NKTR: variants seen among roughly 807,000 people sequenced by gnomAD.
NKTR encodes the protein NK-tumor recognition protein.
Under a neutral mutation model 156.3 loss-of-function variants are expected in NKTR, and 67 were observed. The observed-to-expected ratio is 0.43, with a 90% confidence interval of 0.35 to 0.53. The LOEUF is 0.53. NKTR is among the 20% of genes least tolerant of loss of function. NKTR has a pLI of 0.01. For missense variants in NKTR, 1,604 were observed against 1,730.9 expected (o/e 0.93, Z 1.30); for synonymous variants, 640 against 596.6 (o/e 1.07, Z -1.06).
intron 7 of NKTR, 100 bp downstream of exon 7, chr3:42,630,675 T>C: frequency 6.5e-7 from 1 of 1,545,642 alleles, no homozygotes; most frequent in African/African-American, 1.4e-5. Context: ...GCTCTTGATG[T>C]CTGGCTTAAT....
chr3:42,606,025 A>C (rs574152438), intron 2 of NKTR, among the ~76,000 whole-genome samples: 23 of 152,248 alleles, frequency 1.5e-4, no homozygotes, highest in Non-Finnish European at 2.6e-4. Flanking sequence ...GGGAGAGAAC[A>C]GTTGGATAGC....
Position 42,637,008 on chromosome 3 carries a change from A to C in NKTR, c.1304A>C (p.Lys435Thr). 6.2e-7 allele frequency: 1 copy of C among 1,613,152 alleles called. No homozygotes were observed. The change falls in exon 13 of 17, where the codon AAG (lysine) becomes ACG (threonine). Residue 435 changes from lysine to threonine, a missense_variant. Physicochemically the swap from Lys to Thr is moderately conservative, Grantham distance 78 (BLOSUM62 -1). This residue lies in a region of NKTR where 1,255 missense variants were observed against 1,243.7 expected (regional missense o/e 1.01). Coordinates refer to ENST00000232978, the MANE Select transcript of NKTR (RefSeq NM_005385.4). ...CATAAAAAACGCAGAAAAGAAAAAA[A>C]GGTTAAGCATAAAAAGAAAGGGAAA... ...GHHKKRRKEK[K>T]VKHKKKGKKQ...
chr3:42,632,751 G>T lies in NKTR; in HGVS notation c.701G>T (p.Arg234Leu), dbSNP rs144333793. 2.5e-5 allele frequency: 41 copies of T among 1,612,316 alleles called. No individual in the cohort carries two copies. The African/African-American group carries it at 5.1e-4, about 20-fold the overall frequency. ...RKHKRRPKVKRSKKRRKEASS... is the reference protein window; with the variant it reads ...RKHKRRPKVKLSKKRRKEASS... ...CATAAGAGGAGGCCAAAAGTTAAACGTTCTAAAAAGAGGCGAAAGGAAGCA... is the reference window on the plus strand; with the variant it reads ...CATAAGAGGAGGCCAAAAGTTAAACTTTCTAAAAAGAGGCGAAAGGAAGCA... The change falls in exon 9 of 17, where the codon CGT becomes CTT. Residue 234 changes from arginine to leucine, a missense_variant. By Grantham distance (102) the Arg-to-Leu change is moderately radical. Coordinates refer to ENST00000232978, the MANE Select transcript of NKTR (RefSeq NM_005385.4).
chr3:42,630,391 G>A (rs1708780503), intron 6 of NKTR, 155 bp from the exon 7 acceptor site: 1 of 1,436,498 alleles, frequency 7.0e-7, no homozygotes, highest in African/African-American at 1.5e-5. Context: ...CTGTTTTGGG[G>A]TTTTTAAGGT....
In NKTR at chr3:42,639,563, T is replaced by C; in HGVS notation, c.3859T>C (p.Leu1287=). Residue 1287 remains leucine (L), a synonymous_variant, in exon 13 of 17, where the codon TTA becomes CTA. Coordinates refer to ENST00000232978, the MANE Select transcript of NKTR (RefSeq NM_005385.4). ...TGATGAAGTAAGAAAGACAGCACGC[T>C]TAAACCGTAGACCAAGAAATCAGGA... ...LFDEVRKTAR[L]NRRPRNQESS... 6.2e-7 allele frequency: 1 copy of C among 1,614,224 alleles called. No homozygotes were observed. The highest frequency in any genetic ancestry group is 8.5e-7 in the Non-Finnish European group (1 of 1,180,032).
intron 11 of NKTR, chr3:42,634,905 C>T (rs2125812527): frequency 2.1e-6 from 1 of 481,932 alleles, no homozygotes; most frequent in South Asian, 3.9e-5. Flanking sequence ...AAAGGAGGAA[C>T]ATGTGAAACC....
At chr3:42,610,075 G>A (rs982069051) in intron 2 of NKTR, among the ~76,000 whole-genome samples, 2 of 151,754 alleles carry the variant, frequency 1.3e-5, no homozygotes, top group Non-Finnish European at 2.9e-5. Context: ...GTGCAATCTC[G>A]GCTCACTGCA....
rs1266699 is a variant in NKTR at position 42,645,655 on chromosome 3, A to G, written c.4302-233A>G. On this transcript the variant is annotated intron_variant, in intron 16 of 16. Transcript: ENST00000232978. ...GTTGAGAGCATGCCGTTGCACTCCA[A>G]CCTGGGCAAAAAGAGTGAAACTCCA... 3.9e-3 allele frequency among the ~76,000 whole-genome samples: 588 copies of G among 152,266 alleles called. 4 individuals carry two copies. The highest frequency in any genetic ancestry group is 0.014 in the Middle Eastern group (4 of 294).
chr3:42,617,063 G>A (rs1707440316), intron 2 of NKTR, among the ~76,000 whole-genome samples: 1 of 152,106 alleles, frequency 6.6e-6, no homozygotes, highest in African/African-American at 2.4e-5. Context: ...AGCTTAAAAT[G>A]TGAATTTTAA....
Position 42,636,890 on chromosome 3 carries a change from C to A in NKTR, c.1186C>A (p.Arg396=). 6.4e-7 allele frequency: 1 copy of A among 1,572,362 alleles called. No homozygotes were observed. Among genetic ancestry groups the A allele is most frequent in the South Asian group, 1.2e-5 (1 of 83,428 alleles). Reference sequence around the variant, plus strand: ...TAGGTTAAGTGACCCCTGTTCAAGCCGATGGGATGAAAGAAGCTTGTCTCA... The same window carrying A: ...TAGGTTAAGTGACCCCTGTTCAAGCAGATGGGATGAAAGAAGCTTGTCTCA... ...GDKLSDPCSS[R]WDERSLSQRS... The change falls in exon 13 of 17, where the codon CGA becomes AGA. Residue 396 remains arginine (R), a synonymous_variant. Transcript: ENST00000232978.
At chr3:42,612,697 T>C (rs1706958252) in intron 2 of NKTR, among the ~76,000 whole-genome samples, 1 of 152,188 alleles carries the variant, frequency 6.6e-6, no homozygotes, top group South Asian at 2.1e-4. Flanking sequence ...AGGTATAGAA[T>C]TCTTGTTTCA....
At chr3:42,642,634 C>G (rs371227943) in intron 14 of NKTR, 38 bp downstream of exon 14, 82 of 1,461,584 alleles carry the variant, frequency 5.6e-5, no homozygotes, top group Non-Finnish European at 6.7e-5. Flanking sequence ...TGGTCTCCAT[C>G]ATGTCCACTT....
intron 2 of NKTR, chr3:42,601,983 A>G (rs978981842): frequency 6.6e-6 from 1 of 152,198 alleles, no homozygotes; most frequent in Non-Finnish European, 1.5e-5. Flanking sequence ...TACTATTTTA[A>G]TAAGTTGGTC....
intron 2 of NKTR, among the ~76,000 whole-genome samples, chr3:42,612,110 AAAATACAT>A (rs1275666180): frequency 2.0e-5 from 3 of 152,250 alleles, no homozygotes; most frequent in African/African-American, 7.2e-5. Flanking sequence ...CTTAAAAAAT[AAAATACAT>A]TATTTTTATA....
chr3:42,611,326 A>G (rs1057274234), intron 2 of NKTR: 7 of 152,108 alleles, frequency 4.6e-5, no homozygotes, highest in African/African-American at 7.2e-5. Flanking sequence ...CTTATATTTT[A>G]TGTTTTTCTG....
At chr3:42,643,303 C>CTA (rs1159240938) in intron 14 of NKTR, 36 bp from the exon 15 acceptor site, 2 of 1,592,314 alleles carry the variant, frequency 1.3e-6, no homozygotes, top group Non-Finnish European at 1.7e-6. Context: ...CTGCCCTGAT[C>CTA]TATAAGATGA....
intron 5 of NKTR, 118 bp from the exon 6 acceptor site, chr3:42,621,311 A>G: frequency 1.5e-6 from 2 of 1,357,404 alleles, no homozygotes; most frequent in Admixed American, 3.7e-5. Context: ...GTGTTCAGTC[A>G]AGTTATCTGT....
Position 42,636,927 on chromosome 3 carries a change from C to T in NKTR, c.1223C>T (p.Ser408Leu), listed in dbSNP as rs1709471334. 4 of 1,591,248 alleles carry T rather than the reference C, an allele frequency of 2.5e-6. No individual in the cohort carries two copies. Among genetic ancestry groups the T allele is most frequent in the Non-Finnish European group, 3.4e-6 (4 of 1,174,434 alleles). The change falls in exon 13 of 17, where the codon TCA becomes TTA. Residue 408 changes from serine (S) to leucine (L), a missense_variant. By Grantham distance (145) the Ser-to-Leu change is moderately radical. Coordinates refer to ENST00000232978, the MANE Select transcript of NKTR (RefSeq NM_005385.4). ...AGAAGCTTGTCTCAGAGATCCAGAT[C>T]ATGGTCCTATAATGGATATTATTCA... ...DERSLSQRSRSWSYNGYYSDL... is the reference protein window; with the variant it reads ...DERSLSQRSRLWSYNGYYSDL...
chr3:42,627,291 T>C (rs1038629875), intron 6 of NKTR: 11 of 984,664 alleles, frequency 1.1e-5, no homozygotes, highest in South Asian at 4.7e-5. Flanking sequence ...TCTGTTGTTA[T>C]GTGCATTGAA....
Sources: allele counts gnomAD v4.1 joint callset (sites outside exome capture counted in the v4.1 genomes callset), GRCh38; gene constraint gnomAD v4.1.1; regional missense constraint gnomAD v4.1.1; transcripts MANE v1.5; gene names NCBI Gene and HGNC (gene_info 2026-07-23, HGNC 2026-07-21).